BTBD9: variants seen among roughly 807,000 people sequenced by gnomAD.
BTBD9 encodes BTB/POZ domain-containing protein 9.
A neutral mutation model predicts 64.3 loss-of-function variants in BTBD9; 49 were observed. The observed-to-expected ratio is 0.76, with a 90% confidence interval of 0.61 to 0.97. BTBD9 has a LOEUF of 0.97. Among genes scored for constraint, BTBD9 ranks in the 50% least tolerant of loss-of-function variants. The pLI is 0.00. For synonymous variants in BTBD9, 260 were observed against 274.7 expected (o/e 0.95, Z 0.53); for missense variants, 598 against 762.1 (o/e 0.78, Z 2.53).
chr6:38,402,233 TAA>T (rs1321533952), intron 6 of BTBD9, among the ~76,000 whole-genome samples: 1 of 152,176 alleles, frequency 6.6e-6, no homozygotes, highest in Admixed American at 6.5e-5. Context: ...GTTCATGGAT[TAA>T]AAGATTTAAT....
chr6:38,406,305 T>C (rs1011999602), intron 6 of BTBD9, among the ~76,000 whole-genome samples: 1 of 152,156 alleles, frequency 6.6e-6, no homozygotes. Flanking sequence ...CTAAGTGCTG[T>C]TGAGATTTTG....
chr6:38,230,818 C>G (rs1367839990), intron 9 of BTBD9, among the ~76,000 whole-genome samples: 1 of 152,184 alleles, frequency 6.6e-6, no homozygotes, highest in Non-Finnish European at 1.5e-5. Context: ...TATTTCAGTT[C>G]AAATGTCACT....
intron 6 of BTBD9, among the ~76,000 whole-genome samples, chr6:38,437,876 T>C (rs62397050): frequency 0.21 from 31,276 of 151,444 alleles, 3,967 homozygotes; most frequent in East Asian, 0.48. Flanking sequence ...GAAAACAAAA[T>C]GAAAAGGGGA....
intron 1 of BTBD9, among the ~76,000 whole-genome samples, chr6:38,613,249 T>C (rs1777670360): frequency 6.6e-6 from 1 of 152,200 alleles, no homozygotes; most frequent in African/African-American, 2.4e-5. Flanking sequence ...TAACTCACAT[T>C]ATAGTCCTGT....
chr6:38,364,917 G>C (rs796770728), intron 6 of BTBD9, among the ~76,000 whole-genome samples: 1 of 152,086 alleles, frequency 6.6e-6, no homozygotes, highest in Non-Finnish European at 1.5e-5. Flanking sequence ...ATTCAGCCAG[G>C]TATTAGTTTT....
At chr6:38,363,408 AAACT>A (rs1434045964) in intron 6 of BTBD9, among the ~76,000 whole-genome samples, 3 of 152,370 alleles carry the variant, frequency 2.0e-5, no homozygotes, top group Non-Finnish European at 4.4e-5. Flanking sequence ...AAACAAAAAC[AAACT>A]AACAAAAACC....
chr6:38,301,277 G>A (rs1314727746), intron 7 of BTBD9, among the ~76,000 whole-genome samples: 1 of 152,142 alleles, frequency 6.6e-6, no homozygotes, highest in East Asian at 1.9e-4. Context: ...TTTTATTGAG[G>A]ATTTTTGCAT....
intron 9 of BTBD9, among the ~76,000 whole-genome samples, chr6:38,245,119 T>C (rs1764137850): frequency 1.3e-5 from 2 of 152,216 alleles, no homozygotes; most frequent in Admixed American, 1.3e-4. Flanking sequence ...CTACAAGTGT[T>C]AGGTGCTTGC....
At position 38,479,494 on chromosome 6, in the gene BTBD9, G is replaced by GA. The variant is rs991963902; in HGVS notation, c.1154+98105dup. ...GGCAAAGTTATTACAATCTTTGGAA[G>GA]AAAAAAAAAATCCCATTTCTTCACA... On this transcript the variant is annotated intron_variant, in intron 6 of 10. Transcript: ENST00000481247. Among the ~76,000 whole-genome samples the GA allele has an allele frequency of 1.1e-3, 164 of 149,736 alleles. 1 individual carries two copies. The highest frequency in any genetic ancestry group is 2.1e-3 in the South Asian group (10 of 4,732).
At chr6:38,570,384 TTTCTAAG>T (rs1434638030) in intron 6 of BTBD9, among the ~76,000 whole-genome samples, 1 of 152,198 alleles carries the variant, frequency 6.6e-6, no homozygotes, top group Non-Finnish European at 1.5e-5. Flanking sequence ...AAATTTAGCT[TTTCTAAG>T]GCTCAATTTC....
intron 10 of BTBD9, among the ~76,000 whole-genome samples, chr6:38,188,214 G>T (rs1761903677): frequency 6.6e-6 from 1 of 152,318 alleles, no homozygotes; most frequent in Middle Eastern, 3.4e-3. Flanking sequence ...CATGGTCCCT[G>T]TTGCAGAGCT....
At chr6:38,196,202 AT>A (rs1286007801) in intron 9 of BTBD9, among the ~76,000 whole-genome samples, 1 of 152,168 alleles carries the variant, frequency 6.6e-6, no homozygotes, top group Non-Finnish European at 1.5e-5. Context: ...TTGAATCTTT[AT>A]TTTGTGCTTT....
intron 6 of BTBD9, among the ~76,000 whole-genome samples, chr6:38,548,361 C>T (rs994786184): frequency 7.2e-5 from 11 of 152,168 alleles, no homozygotes; most frequent in Non-Finnish European, 1.5e-4. Context: ...AAGTCTATTA[C>T]GTATGCTTTG....
chr6:38,306,632 G>A (rs1415900467), intron 7 of BTBD9, among the ~76,000 whole-genome samples: 8 of 152,300 alleles, frequency 5.3e-5, no homozygotes, highest in East Asian at 1.9e-4. Flanking sequence ...GGTGGCCAAC[G>A]ACTTGCCTCT....
chr6:38,387,483 G>A (rs2127619632), intron 6 of BTBD9, among the ~76,000 whole-genome samples: 1 of 152,276 alleles, frequency 6.6e-6, no homozygotes, highest in African/African-American at 2.4e-5. Flanking sequence ...GTTGCGGTGA[G>A]CTGAGATCAC....
chr6:38,605,282 G>A (rs1777393811), intron 1 of BTBD9, among the ~76,000 whole-genome samples: 1 of 152,000 alleles, frequency 6.6e-6, no homozygotes, highest in Admixed American at 6.6e-5. Context: ...TCTGACCTCA[G>A]GTGATCTGCC....
intron 6 of BTBD9, among the ~76,000 whole-genome samples, chr6:38,544,352 C>G (rs1774432337): frequency 6.6e-6 from 1 of 151,890 alleles, no homozygotes; most frequent in Admixed American, 6.6e-5. Flanking sequence ...ATATTATAAG[C>G]TGATAAAACT....
chr6:38,328,326 G>A (rs1419957975), intron 7 of BTBD9, among the ~76,000 whole-genome samples: 2 of 152,084 alleles, frequency 1.3e-5, no homozygotes, highest in East Asian at 3.9e-4. Flanking sequence ...GCTTTAAAGA[G>A]GAAATTAAGG....
At chr6:38,300,322 G>GATT (rs1762340000) in intron 7 of BTBD9, among the ~76,000 whole-genome samples, 1 of 152,192 alleles carries the variant, frequency 6.6e-6, no homozygotes, top group Non-Finnish European at 1.5e-5. Context: ...TTAGGCTTAG[G>GATT]ATTGACTTGG....
Sources: allele counts gnomAD v4.1 joint callset (sites outside exome capture counted in the v4.1 genomes callset), GRCh38; gene constraint gnomAD v4.1.1; transcripts MANE v1.5; gene names NCBI Gene and HGNC (gene_info 2026-07-23, HGNC 2026-07-21).